The following DMD variants were observed in gnomAD, a reference collection of about 807,000 sequenced individuals.
DMD encodes mutant dystrophin.
In DMD, 63 loss-of-function variants were observed where a neutral mutation model predicts 330.1. The observed-to-expected ratio is 0.19, with a 90% confidence interval of 0.16 to 0.24. The LOEUF is 0.24. Among genes scored for constraint, DMD ranks in the 10% least tolerant of loss-of-function variants. DMD has a pLI of 1.00. For synonymous variants in DMD, 1,223 were observed against 959.8 expected (o/e 1.27, Z -5.07); for missense variants, 3,344 against 2,684.1 (o/e 1.25, Z -5.43).
chrX:32,429,048 G>C (rs1401814487), intron 29 of DMD, among the ~76,000 whole-genome samples: 1 of 110,913 alleles, frequency 9.0e-6, no homozygotes. Context: ...CGGAAAATCT[G>C]TTTCCATTTT....
At chrX:31,809,664 G>A (rs957326545) in intron 50 of DMD, among the ~76,000 whole-genome samples, 1 of 111,230 alleles carries the variant, frequency 9.0e-6, no homozygotes, top group Non-Finnish European at 1.9e-5. Flanking sequence ...GAGGAAGGTA[G>A]CATGTAAAGC....
intron 44 of DMD, among the ~76,000 whole-genome samples, chrX:32,059,488 G>A (rs748946324): frequency 2.7e-5 from 3 of 111,734 alleles, no homozygotes; most frequent in South Asian, 7.4e-4. Context: ...AAGTGACCTC[G>A]TAATGAACTG....
intron 51 of DMD, among the ~76,000 whole-genome samples, chrX:31,745,467 A>G (rs1291016594): frequency 1.8e-5 from 2 of 112,027 alleles, no homozygotes; most frequent in African/African-American, 6.5e-5. Flanking sequence ...ACTGCATCCA[A>G]TGTCCCTTCC....
intron 12 of DMD, among the ~76,000 whole-genome samples, chrX:32,598,531 A>G (rs947572122): frequency 8.9e-6 from 1 of 111,994 alleles, no homozygotes; most frequent in Non-Finnish European, 1.9e-5. Flanking sequence ...AATTACATAT[A>G]TTACAAAATT....
chrX:32,483,989 T>C (rs997393671), intron 21 of DMD, among the ~76,000 whole-genome samples: 1 of 110,735 alleles, frequency 9.0e-6, no homozygotes, highest in African/African-American at 3.3e-5. Context: ...AGAAAAGCAA[T>C]AGGATAATAT....
At chrX:32,412,079 A>C (rs2098144565) in intron 29 of DMD, 166 bp from the exon 30 acceptor site, 1 of 1,179,671 alleles carries the variant, frequency 8.5e-7, no homozygotes, top group South Asian at 1.9e-5. Flanking sequence ...GATAGAAAAA[A>C]AATGTGAAGG....
intron 52 of DMD, among the ~76,000 whole-genome samples, chrX:31,691,196 C>T (rs945345910): frequency 9.0e-6 from 1 of 110,790 alleles, no homozygotes; most frequent in Non-Finnish European, 1.9e-5. Flanking sequence ...TATATGCACA[C>T]AATCAAATTT....
intron 21 of DMD, 21 bp from the exon 22 acceptor site, chrX:32,472,330 G>T: frequency 2.5e-6 from 3 of 1,204,178 alleles, no homozygotes; most frequent in East Asian, 3.0e-5. Flanking sequence ...AGGGAAAAAA[G>T]AATGAGAATC....
chrX:31,936,344 C>T (rs1603616607), intron 45 of DMD, among the ~76,000 whole-genome samples: 1 of 111,651 alleles, frequency 9.0e-6, no homozygotes, highest in East Asian at 2.8e-4. Flanking sequence ...TAAACTCCCA[C>T]CAACAGTTAC....
chrX:32,653,878 C>G (rs943451143), intron 9 of DMD, among the ~76,000 whole-genome samples: 1 of 111,742 alleles, frequency 8.9e-6, no homozygotes, highest in African/African-American at 3.3e-5. Context: ...CTTCACATCC[C>G]TTGCAAGTTG....
At chrX:33,066,461 AAAGG>A (rs11283208) in intron 1 of DMD, among the ~76,000 whole-genome samples, 9 of 84,207 alleles carry the variant, frequency 1.1e-4, no homozygotes, top group African/African-American at 1.1e-4. Flanking sequence ...AAAAAAAAAA[AAAGG>A]AAGGAAGGAA....
At chrX:32,699,863 G>A (rs2063956109) in intron 7 of DMD, among the ~76,000 whole-genome samples, 5 of 111,699 alleles carry the variant, frequency 4.5e-5, no homozygotes, top group South Asian at 7.4e-4. Flanking sequence ...TTACTATTCC[G>A]TGTATGTTAA....
intron 1 of DMD, among the ~76,000 whole-genome samples, chrX:33,156,997 C>CA (rs2048536776): frequency 8.9e-6 from 1 of 111,937 alleles, no homozygotes; most frequent in African/African-American, 3.2e-5. Context: ...TCCAATGGAA[C>CA]AGTAAGCTTT....
intron 12 of DMD, among the ~76,000 whole-genome samples, chrX:32,608,697 C>A (rs536351854): frequency 9.0e-6 from 1 of 110,596 alleles, no homozygotes; most frequent in South Asian, 3.7e-4. Context: ...ATAATCAGAA[C>A]ATGTGTTCTA....
intron 18 of DMD, among the ~76,000 whole-genome samples, chrX:32,509,105 T>C (rs1283789423): frequency 9.3e-6 from 1 of 107,941 alleles, no homozygotes; most frequent in Non-Finnish European, 1.9e-5. Flanking sequence ...CCACCGTGCC[T>C]GGCCACGGAA....
intron 43 of DMD, among the ~76,000 whole-genome samples, chrX:32,243,085 G>GGCAA (rs1372932935): frequency 2.8e-5 from 3 of 108,535 alleles, no homozygotes; most frequent in African/African-American, 1.0e-4. Flanking sequence ...CAGACAGGCA[G>GGCAA]GCAAGCAAGC....
chrX:32,096,567 A>T (rs1470542888), intron 44 of DMD, among the ~76,000 whole-genome samples: 1 of 101,387 alleles, frequency 9.9e-6, no homozygotes, highest in Non-Finnish European at 2.0e-5. Flanking sequence ...AAAAAAATAC[A>T]AAAAAAAAAA....
chrX:32,599,341 C>G (rs1264226850), intron 12 of DMD, among the ~76,000 whole-genome samples: 1 of 111,607 alleles, frequency 9.0e-6, no homozygotes, highest in Non-Finnish European at 1.9e-5. Context: ...ATTGTTCTGC[C>G]AAACTAGGAA....
rs1210240302 is a variant in DMD at position 32,230,895 on chromosome X, TTC to T, written c.6291-13834_6291-13833del. On this transcript the variant is annotated intron_variant, in intron 43 of 78. Coordinates refer to ENST00000357033, the MANE Select transcript of DMD (RefSeq NM_004006.3). Reference sequence around the variant, plus strand: ...TCCAAATATATATACAGTATATAATTTCTGTTATTTAGAAAATATTAAGTTAT... The same window carrying T: ...TCCAAATATATATACAGTATATAATTTGTTATTTAGAAAATATTAAGTTAT... Among the ~76,000 whole-genome samples, 8 of 112,131 alleles carry T rather than the reference TTC, an allele frequency of 7.1e-5. No homozygotes were observed. In the East Asian group the frequency reaches 1.4e-3, roughly 20 times the overall value.
Sources: allele counts gnomAD v4.1 joint callset (sites outside exome capture counted in the v4.1 genomes callset), GRCh38; gene constraint gnomAD v4.1.1; transcripts MANE v1.5; gene names NCBI Gene and HGNC (gene_info 2026-07-23, HGNC 2026-07-21).